TANC2: variants seen among roughly 807,000 people sequenced by gnomAD.
TANC2 encodes the protein protein TANC2.
Under a neutral mutation model 210.5 loss-of-function variants are expected in TANC2, and 26 were observed. That is an observed-to-expected ratio of 0.12 (90% CI 0.09 to 0.17). The LOEUF is 0.17. Among genes scored for constraint, TANC2 ranks in the 10% least tolerant of loss-of-function variants. TANC2 has a pLI of 1.00. For missense variants in TANC2, 2,129 were observed against 2,608.9 expected, an observed-to-expected ratio of 0.82 and a Z score of 4.01; for synonymous variants, 931 against 967.1, an observed-to-expected ratio of 0.96 and a Z score of 0.69.
intron 4 of TANC2, among the ~76,000 whole-genome samples, chr17:63,141,492 A>T (rs2039291769): frequency 6.7e-6 from 1 of 150,190 alleles, no homozygotes; most frequent in African/African-American, 2.4e-5. Flanking sequence ...GCATGAACCC[A>T]GAAGGTGAGG....
intron 11 of TANC2, among the ~76,000 whole-genome samples, chr17:63,319,876 G>A (rs2045440207): frequency 6.6e-6 from 1 of 152,022 alleles, no homozygotes; most frequent in Non-Finnish European, 1.5e-5. Context: ...TCTCTCCACA[G>A]GCAGCCACTT....
Position 63,052,460 on chromosome 17 carries a change from A to G in TANC2, c.68-21483A>G, listed in dbSNP as rs192795529. Among the ~76,000 whole-genome samples, 197 of 152,234 alleles carry G rather than the reference A, an allele frequency of 1.3e-3. 1 individual carries two copies. The highest frequency in any genetic ancestry group is 9.1e-4 in the Non-Finnish European group (62 of 68,006). On this transcript the variant is annotated intron_variant, in intron 2 of 27. Coordinates refer to ENST00000689528, the Ensembl canonical transcript of TANC2. ...AGCATAAATTGATAGCGGCCTTATA[A>G]TATGTTTGCTTTTTGAATGTCATTG...
At chr17:63,177,282 A>AC (rs1489908315) in intron 5 of TANC2, among the ~76,000 whole-genome samples, 2 of 151,364 alleles carry the variant, frequency 1.3e-5, no homozygotes, top group Non-Finnish European at 2.9e-5. Flanking sequence ...AAAAAAAAAA[A>AC]ACACAAAATT....
intron 2 of TANC2, among the ~76,000 whole-genome samples, chr17:63,050,372 A>G (rs1037776863): frequency 9.9e-5 from 15 of 151,916 alleles, no homozygotes; most frequent in East Asian, 5.8e-4. Flanking sequence ...AAAAAAAAAA[A>G]AAAGAAAGAA....
intron 11 of TANC2, among the ~76,000 whole-genome samples, chr17:63,322,736 A>T (rs1046055046): frequency 6.6e-6 from 1 of 152,240 alleles, no homozygotes; most frequent in Non-Finnish European, 1.5e-5. Flanking sequence ...AGAAGATGAT[A>T]AGTGCTAAGA....
At chr17:63,119,431 G>C (rs183169497) in intron 4 of TANC2, among the ~76,000 whole-genome samples, 1 of 152,210 alleles carries the variant, frequency 6.6e-6, no homozygotes, top group African/African-American at 2.4e-5. Flanking sequence ...CCTTTAAATA[G>C]GGAGAATTAA....
At chr17:63,007,688 A>G (rs1302290566) in intron 1 of TANC2, among the ~76,000 whole-genome samples, 2 of 152,170 alleles carry the variant, frequency 1.3e-5, no homozygotes, top group Non-Finnish European at 2.9e-5. Flanking sequence ...TAATACAGAT[A>G]TCTTAGAAAC....
chr17:63,077,442 T>G (rs977503594), intron 3 of TANC2, among the ~76,000 whole-genome samples: 4 of 152,082 alleles, frequency 2.6e-5, no homozygotes, highest in African/African-American at 9.7e-5. Flanking sequence ...AGCAGAAAGA[T>G]CCTTCAGAAT....
At chr17:63,014,308 A>G (rs1227459300) in intron 2 of TANC2, among the ~76,000 whole-genome samples, 3 of 152,170 alleles carry the variant, frequency 2.0e-5, no homozygotes, top group Non-Finnish European at 2.9e-5. Flanking sequence ...TTTTTTGAAC[A>G]TATTTAAAAT....
chr17:63,286,574 C>G (rs1410662788), intron 9 of TANC2, among the ~76,000 whole-genome samples: 1 of 152,064 alleles, frequency 6.6e-6, no homozygotes, highest in Non-Finnish European at 1.5e-5. Context: ...GTTTGATGTG[C>G]CTTAGTGTCA....
At chr17:63,369,602 A>G (rs2147004194) in intron 14 of TANC2, among the ~76,000 whole-genome samples, 1 of 138,280 alleles carries the variant, frequency 7.2e-6, no homozygotes, top group South Asian at 2.3e-4. Flanking sequence ...TGCCCATGCC[A>G]GAGTGCAGTG....
chr17:63,163,815 A>G (rs1449010151), intron 5 of TANC2, among the ~76,000 whole-genome samples: 1 of 152,206 alleles, frequency 6.6e-6, no homozygotes, highest in Non-Finnish European at 1.5e-5. Context: ...AGGAAATCCT[A>G]TTCTAAGGAT....
At chr17:63,329,103 C>T (rs2045751301) in intron 11 of TANC2, among the ~76,000 whole-genome samples, 1 of 152,112 alleles carries the variant, frequency 6.6e-6, no homozygotes, top group Non-Finnish European at 1.5e-5. Context: ...AAAATTTACA[C>T]AGTGCCACTT....
At chr17:63,104,857 G>A (rs906813920) in intron 4 of TANC2, among the ~76,000 whole-genome samples, 2 of 151,628 alleles carry the variant, frequency 1.3e-5, no homozygotes, top group African/African-American at 2.4e-5. Context: ...CTGTAATCTC[G>A]CTCAAATTTG....
chr17:63,349,601 C>A (rs1327811423), intron 12 of TANC2, among the ~76,000 whole-genome samples: 1 of 151,688 alleles, frequency 6.6e-6, no homozygotes, highest in Non-Finnish European at 1.5e-5. Flanking sequence ...AAGCTACCAG[C>A]TGTTTAACAG....
intron 2 of TANC2, among the ~76,000 whole-genome samples, chr17:63,016,044 A>G (rs2034093938): frequency 1.3e-5 from 2 of 152,158 alleles, no homozygotes; most frequent in South Asian, 4.1e-4. Context: ...TATCATAAGC[A>G]TAACATAGCC....
At chr17:63,162,460 A>G (rs1324104410) in intron 5 of TANC2, among the ~76,000 whole-genome samples, 1 of 152,232 alleles carries the variant, frequency 6.6e-6, no homozygotes. Flanking sequence ...AGGATTTTCT[A>G]AACTAGAATA....
intron 9 of TANC2, among the ~76,000 whole-genome samples, chr17:63,307,548 A>G (rs1489993162): frequency 6.6e-6 from 1 of 152,232 alleles, no homozygotes. Context: ...AATAAAATAA[A>G]GAGGATTTCT....
At chr17:62,970,461 C>T (rs529077538) in intron 1 of TANC2, among the ~76,000 whole-genome samples, 2 of 152,278 alleles carry the variant, frequency 1.3e-5, no homozygotes, top group African/African-American at 4.8e-5. Context: ...ATCATGAATT[C>T]TTGACTGTCC....
Sources: gnomAD v4.1 joint callset for allele counts (sites outside exome capture counted in the v4.1 genomes callset) on GRCh38, gnomAD v4.1.1 for gene constraint, MANE v1.5 for transcripts, NCBI Gene and HGNC (gene_info 2026-07-23, HGNC 2026-07-21) for gene names.